Variants in PKN3 observed in about 807,000 individuals in gnomAD.
The protein encoded by PKN3 is serine/threonine-protein kinase N3.
A neutral mutation model predicts 113.1 loss-of-function variants in PKN3; 91 were observed. The ratio of observed to expected loss-of-function variants is 0.80; its 90% CI spans 0.68 to 0.96. The LOEUF is 0.96. Among genes scored for constraint, PKN3 ranks in the 40% least tolerant of loss-of-function variants. The pLI is 0.00. For missense variants in PKN3, 1,052 were observed against 1,202.2 expected (o/e 0.88, Z 1.85); for synonymous variants, 467 against 499.0 (o/e 0.94, Z 0.85).
chr9:128,706,729 C>T lies in PKN3; in HGVS notation c.428C>T (p.Ala143Val). The change falls in exon 4 of 22, where the codon GCA becomes GTA. Residue 143 changes from alanine to valine, a missense_variant. By Grantham distance (64) the Ala-to-Val change is moderately conservative (BLOSUM62 0). Transcript: ENST00000291906. ...SGTPKERKLL[A>V]AAQQMLRDSQ... ...GCTCCATAGGAGAGGAAGCTCCTGG[C>T]AGCTGCCCAGCAGATGCTGCGGGAC... 6.9e-6 allele frequency: 11 copies of T among 1,584,994 alleles called. No homozygotes were observed. Among genetic ancestry groups the T allele is most frequent in the Non-Finnish European group, 9.4e-6 (11 of 1,164,988 alleles).
In PKN3 at chr9:128,715,005, T is replaced by G; in HGVS notation, c.1652+140T>G. 9.4e-7 allele frequency: 1 copy of G among 1,067,310 alleles called. No individual in the cohort carries two copies. Among genetic ancestry groups the G allele is most frequent in the East Asian group, 2.4e-5 (1 of 41,908 alleles). 66.1% of individuals were successfully genotyped at this position (1,067,310 alleles called of 1,614,324 possible). A position where few individuals can be genotyped will look rare whatever the true frequency, so the allele number is the denominator to read the frequency against. ...GGGGTCTGATTTACTAAACCCACAT[T>G]ATTGAGCTCCAGCTCTATGCCGGCT... On this transcript the variant is annotated intron_variant, in intron 13 of 21. Coordinates refer to ENST00000291906, the MANE Select transcript of PKN3 (RefSeq NM_013355.5). This position sits in a 1 kb window ranked among gnomAD's most constrained non-coding sequence, Gnocchi z 4.1.
Position 128,716,863 on chromosome 9 carries a change from T to C in PKN3, c.1925T>C (p.Val642Ala). The change falls in exon 16 of 22, where the codon GTG becomes GCG. Residue 642 changes from valine to alanine, a missense_variant. This residue lies in a region of PKN3 where 333 missense variants were observed against 442.8 expected (regional missense o/e 0.75). Transcript: ENST00000291906. The part of the protein sequence containing the change: ...SSHACFVTEF[V>A]PGGDLMMQIH... The stretch of plus-strand genomic sequence containing the variant: ...CATGCCTGCTTTGTGACTGAGTTTG[T>C]GCCTGGTGGTGACCTCATGATGCAG... 1 of 1,614,094 alleles carries C rather than the reference T, an allele frequency of 6.2e-7. No homozygotes were observed. Among genetic ancestry groups the C allele is most frequent in the Non-Finnish European group, 8.5e-7 (1 of 1,180,016 alleles).
chr9:128,718,503 G>A, intron 17 of PKN3, 46 bp from the exon 18 acceptor site: 1 of 1,605,480 alleles, frequency 6.2e-7, no homozygotes, highest in Non-Finnish European at 8.5e-7. Context: ...CTGTTCCCTG[G>A]GTCTAAGCCC....
rs749275013 is a variant in PKN3, at chr9:128,720,459, C to T, written c.2523C>T (p.Gly841=). ...IQPPFVPTLC[G]PADLRYFEGE... ...CCCCCTTCGTGCCTACCCTGTGTGG[C>T]CCTGCGGACCTGCGCTACTTTGAGG... The change falls in exon 22 of 22, where the codon GGC becomes GGT. Residue 841 remains glycine, a synonymous_variant. Transcript: ENST00000291906. The surrounding 1 kb of genome is among the most constrained non-coding windows in gnomAD (Gnocchi z 5.5). The T allele has an allele frequency of 9.9e-6, 16 of 1,613,198 alleles. No homozygotes were observed. Among genetic ancestry groups the T allele is most frequent in the Non-Finnish European group, 1.4e-5 (16 of 1,179,998 alleles).
chr9:128,707,446 T>A (rs761917951), intron 6 of PKN3, 41 bp downstream of exon 6: 1 of 1,529,960 alleles, frequency 6.5e-7, no homozygotes, highest in Admixed American at 1.8e-5. Flanking sequence ...CTCCTTCTTT[T>A]TGGGGGGAGG....
chr9:128,702,769 C>A lies in PKN3; in HGVS notation c.-147C>A. ...CGGGAGGCGGCGCTGGTCCCGCGGG[C>A]CAGCGGGTCTCGGGAGGGGGCGCCC... On this transcript the variant is annotated 5_prime_UTR_variant, in exon 1 of 22. Transcript: ENST00000291906. 1 of 610,856 alleles carries A rather than the reference C, an allele frequency of 1.6e-6. No homozygotes were observed. 37.8% of individuals were successfully genotyped at this position (610,856 alleles called of 1,614,324 possible).
In PKN3 at chr9:128,702,825, A is replaced by G; in HGVS notation, c.-91A>G. 1.1e-6 allele frequency: 1 copy of G among 951,034 alleles called. No homozygotes were observed. Among genetic ancestry groups the G allele is most frequent in the Admixed American group, 2.4e-5 (1 of 41,916 alleles). The allele number at this position is 951,034 out of a possible 1,614,324, so 58.9% of individuals were successfully genotyped here. ...CGCGTCTCCGGCGCCGCTTCCCGGG[A>G]AGTTTCAAGTTTGAAAGTCCTGGCG... On this transcript the variant is annotated 5_prime_UTR_variant, in exon 1 of 22. Coordinates refer to ENST00000291906, the MANE Select transcript of PKN3 (RefSeq NM_013355.5).
At chr9:128,713,911 C>A in intron 9 of PKN3, 135 bp from the exon 10 acceptor site, 1 of 905,600 alleles carries the variant, frequency 1.1e-6, no homozygotes, top group Non-Finnish European at 1.8e-6. Flanking sequence ...GACATTGAAT[C>A]TGTTTCTCTG....
At chr9:128,708,666 G>C (rs1288558515) in intron 6 of PKN3, among the ~76,000 whole-genome samples, 1 of 151,372 alleles carries the variant, frequency 6.6e-6, no homozygotes, top group Non-Finnish European at 1.5e-5. Context: ...GCAACATAGT[G>C]AAACCTCATC....
rs1012423407 is a variant in PKN3, at chr9:128,706,706, T to G, written c.412-7T>G. 2 of 1,553,658 alleles carry G rather than the reference T, an allele frequency of 1.3e-6. No individual in the cohort carries two copies. Among genetic ancestry groups the G allele is most frequent in the African/African-American group, 2.7e-5 (2 of 74,066 alleles). On this transcript the variant is annotated splice_polypyrimidine_tract_variant and splice_region_variant and intron_variant, in intron 3 of 21. Transcript: ENST00000291906. ...TGGTCTGATGGGCCTGTGCTATGGC[T>G]CCATAGGAGAGGAAGCTCCTGGCAG... is the stretch of plus-strand genomic sequence containing the variant.
Position 128,720,294 on chromosome 9 carries a change from G to A in PKN3, c.2457+11G>A, listed in dbSNP as rs1242464739. On this transcript the variant is annotated intron_variant, in intron 21 of 21. Transcript: ENST00000291906. This position sits in a 1 kb window ranked among gnomAD's most constrained non-coding sequence, Gnocchi z 5.5. ...CAGCCATTCTTCAGGGTGAGCGGCT[G>A]GGGTGGCGGTGGTCCCCTGTGCCTG... The A allele has an allele frequency of 3.7e-6, 6 of 1,613,608 alleles. No individual in the cohort carries two copies. Among genetic ancestry groups the A allele is most frequent in the Middle Eastern group, 1.6e-4 (1 of 6,084 alleles).
Position 128,720,629 on chromosome 9 carries a change from C to A in PKN3, c.*23C>A, listed in dbSNP as rs1188565312. 6.3e-7 allele frequency: 1 copy of A among 1,592,842 alleles called. No individual in the cohort carries two copies. The highest frequency in any genetic ancestry group is 2.2e-5 in the East Asian group (1 of 44,466). ...TGAGGGCATCTCCTGGCACCTCTGT[C>A]CCCTTCCCCCACAGACTGTTAGAGC... is the stretch of plus-strand genomic sequence containing the variant. On this transcript the variant is annotated 3_prime_UTR_variant, in exon 22 of 22. Transcript: ENST00000291906. This position sits in a 1 kb window ranked among gnomAD's most constrained non-coding sequence, Gnocchi z 5.5.
intron 6 of PKN3, among the ~76,000 whole-genome samples, chr9:128,711,039 C>G (rs1182200480): frequency 6.6e-6 from 1 of 150,728 alleles, no homozygotes; most frequent in Non-Finnish European, 1.5e-5. Flanking sequence ...GTGACACGAT[C>G]TTATTGCCCA....
rs746757902 is a variant in PKN3 at position 128,714,859 on chromosome 9, C to A, written c.1646C>A (p.Pro549His). Residue 549 changes from proline (P) to histidine (H), a missense_variant, in exon 13 of 22, where the codon CCC becomes CAC. Coordinates refer to ENST00000291906, the MANE Select transcript of PKN3 (RefSeq NM_013355.5). ...CGTGGGCCATCTCCACCAGCCTCCC[C>A]CACCAGGTACCCCATCCTGCGCACC... ...TRRGPSPPASPTRKPPRLQDF... is the reference protein window; with the variant it reads ...TRRGPSPPASHTRKPPRLQDF... 6 of 1,613,640 alleles carry A rather than the reference C, an allele frequency of 3.7e-6. No individual in the cohort carries two copies. The African/African-American group carries it at 8.0e-5, about 22-fold the overall frequency.
At chr9:128,705,972 T>C (rs1572916) in intron 3 of PKN3, 93 bp downstream of exon 3, 1,290,234 of 1,290,884 alleles carry the variant, frequency 1, 644,796 homozygotes, top group East Asian at 1. Flanking sequence ...GAGACACCAT[T>C]CCAGCCTGCA....
Position 128,716,936 on chromosome 9 carries a change from C to T in PKN3, c.1985+13C>T, listed in dbSNP as rs764326195. The T allele has an allele frequency of 6.2e-7, 1 of 1,611,282 alleles. No individual in the cohort carries two copies. Among genetic ancestry groups the T allele is most frequent in the Admixed American group, 1.7e-5 (1 of 59,894 alleles). ...AGCCCCAGGCCCGGTGGGTTCCATC[C>T]CTCCTGCCTGCCTCTTCCAGCAAAC... On this transcript the variant is annotated intron_variant, in intron 16 of 21. Coordinates refer to ENST00000291906, the MANE Select transcript of PKN3 (RefSeq NM_013355.5).
In PKN3 at chr9:128,715,475, C is replaced by T. The variant is rs767027281; in HGVS notation, c.1808+15C>T. Reference sequence around the variant, plus strand: ...GAGATAGAGAGGTGTGTGGGGGTGCCGCAGGGCACCCAGGATGGCTGGCCT... The same window carrying T: ...GAGATAGAGAGGTGTGTGGGGGTGCTGCAGGGCACCCAGGATGGCTGGCCT... On this transcript the variant is annotated intron_variant, in intron 15 of 21. Transcript: ENST00000291906. This position sits in a 1 kb window ranked among gnomAD's most constrained non-coding sequence, Gnocchi z 4.1. 7.5e-6 allele frequency: 12 copies of T among 1,602,318 alleles called. No homozygotes were observed. The highest frequency in any genetic ancestry group is 5.0e-5 in the Admixed American group (3 of 59,934).
chr9:128,711,948 C>T (rs527633134), intron 6 of PKN3, among the ~76,000 whole-genome samples: 84 of 151,370 alleles, frequency 5.5e-4, no homozygotes, highest in Non-Finnish European at 1.0e-3. Context: ...CTTGCTCTGT[C>T]GCCCAGGCTG....
intron 1 of PKN3, among the ~76,000 whole-genome samples, chr9:128,704,442 C>T (rs903519524): frequency 6.6e-6 from 1 of 152,194 alleles, no homozygotes; most frequent in African/African-American, 2.4e-5. Context: ...TTCGTGTGAA[C>T]CCCTATTCGG....
Sources: gnomAD v4.1 joint callset for allele counts (sites outside exome capture counted in the v4.1 genomes callset) on GRCh38, gnomAD v4.1.1 for gene constraint, gnomAD v4.1.1 regional missense constraint, Gnocchi (gnomAD v3.1) non-coding constraint, MANE v1.5 for transcripts, NCBI Gene and HGNC (gene_info 2026-07-23, HGNC 2026-07-21) for gene names.